Variants in PGBD5 observed in about 807,000 individuals in gnomAD.
PGBD5 encodes piggyBac transposable element derived 5.
PGBD5 carries 14 observed loss-of-function variants against 47.9 expected under a neutral mutation model. The observed-to-expected ratio is 0.29, with a 90% CI of 0.19 to 0.46. PGBD5 has a LOEUF of 0.46. PGBD5 is among the 20% of genes least tolerant of loss of function. PGBD5 has a pLI of 1.00. For missense variants in PGBD5, 635 were observed against 716.0 expected (o/e 0.89, Z 1.29); for synonymous variants, 316 against 306.3 (o/e 1.03, Z -0.33).
In PGBD5 at chr1:230,396,718, C is replaced by T. The variant is rs554408316; in HGVS notation, c.331+28880G>A. 7.2e-5 allele frequency among the ~76,000 whole-genome samples: 11 copies of T among 151,942 alleles called. No homozygotes were observed. The South Asian group carries it at 1.7e-3, about 23-fold the overall frequency. On this transcript the variant is annotated intron_variant, in intron 1 of 6. Coordinates refer to ENST00000391860, the MANE Select transcript of PGBD5 (RefSeq NM_001258311.2). ...TTTGGAGTTACAAAACCATGGTGTC[C>T]GCCTGAAACAACACCGTGTACTGAC...
chr1:230,346,765 A>G (rs1221018648), intron 3 of PGBD5, among the ~76,000 whole-genome samples: 1 of 152,170 alleles, frequency 6.6e-6, no homozygotes, highest in Non-Finnish European at 1.5e-5. Flanking sequence ...GCCTTCCTGT[A>G]GTCCTGCGAC....
chr1:230,351,636 A>G (rs760125517), intron 2 of PGBD5, among the ~76,000 whole-genome samples: 68 of 152,172 alleles, frequency 4.5e-4, no homozygotes, highest in Non-Finnish European at 7.5e-4. Context: ...TGGATTTTCA[A>G]GACAGCCCTC....
At chr1:230,373,933 A>G (rs1667972162) in intron 1 of PGBD5, among the ~76,000 whole-genome samples, 1 of 152,140 alleles carries the variant, frequency 6.6e-6, no homozygotes, top group Admixed American at 6.5e-5. Flanking sequence ...CCCAGACTCA[A>G]GCAATCTTCC....
chr1:230,358,457 T>C (rs1667692643), intron 1 of PGBD5, among the ~76,000 whole-genome samples: 1 of 152,186 alleles, frequency 6.6e-6, no homozygotes, highest in South Asian at 2.1e-4. Context: ...TCATTAAACG[T>C]TCCCTATGTA....
At chr1:230,396,861 T>C (rs1656993423) in intron 1 of PGBD5, among the ~76,000 whole-genome samples, 1 of 152,156 alleles carries the variant, frequency 6.6e-6, no homozygotes, top group African/African-American at 2.4e-5. Flanking sequence ...AGCAGACCAA[T>C]GAGTGTGACA....
intron 1 of PGBD5, among the ~76,000 whole-genome samples, chr1:230,361,140 C>G (rs914045352): frequency 6.6e-6 from 1 of 152,228 alleles, no homozygotes; most frequent in Non-Finnish European, 1.5e-5. Context: ...ACGGGATGGT[C>G]TTCCCATCAC....
At chr1:230,345,695 T>G (rs976706852) in intron 3 of PGBD5, among the ~76,000 whole-genome samples, 2 of 152,244 alleles carry the variant, frequency 1.3e-5, no homozygotes, top group African/African-American at 4.8e-5. Flanking sequence ...TGCTGTGCAA[T>G]GCTGGGTGGT....
At chr1:230,345,716 TGCAGC>T (rs1558195238) in intron 3 of PGBD5, among the ~76,000 whole-genome samples, 66 of 152,340 alleles carry the variant, frequency 4.3e-4, no homozygotes, top group African/African-American at 1.5e-3. Context: ...GGCAGTGAGC[TGCAGC>T]TCCCAGTCAG....
At chr1:230,397,873 C>T (rs1657039164) in intron 1 of PGBD5, among the ~76,000 whole-genome samples, 2 of 152,208 alleles carry the variant, frequency 1.3e-5, no homozygotes, top group African/African-American at 4.8e-5. Flanking sequence ...TATGTGAGAG[C>T]ACAGAGCTGG....
intron 5 of PGBD5, among the ~76,000 whole-genome samples, chr1:230,327,938 A>G (rs1667148852): frequency 6.6e-6 from 1 of 152,100 alleles, no homozygotes; most frequent in African/African-American, 2.4e-5. Flanking sequence ...TCCAATGACA[A>G]CCTTCTCTGG....
intron 3 of PGBD5, 81 bp downstream of exon 3, chr1:230,350,877 G>C (rs1049875482): frequency 6.5e-7 from 1 of 1,548,060 alleles, no homozygotes; most frequent in African/African-American, 1.4e-5. Context: ...AAGTTCTTGG[G>C]TATCAGATGA....
intron 1 of PGBD5, among the ~76,000 whole-genome samples, chr1:230,407,239 T>C (rs1011593466): frequency 1.3e-5 from 2 of 152,228 alleles, no homozygotes; most frequent in African/African-American, 4.8e-5. Flanking sequence ...CTTAAGAATG[T>C]CTTCAGACAA....
intron 1 of PGBD5, among the ~76,000 whole-genome samples, chr1:230,400,268 G>A (rs2102740881): frequency 6.6e-6 from 1 of 152,250 alleles, no homozygotes; most frequent in East Asian, 1.9e-4. Context: ...TGGGAGCTTT[G>A]CTCAAATCTT....
At chr1:230,363,687 TA>T (rs1395724153) in intron 1 of PGBD5, among the ~76,000 whole-genome samples, 3 of 152,216 alleles carry the variant, frequency 2.0e-5, no homozygotes, top group Non-Finnish European at 4.4e-5. Flanking sequence ...CATATGCTGA[TA>T]TTTTTTGGTG....
In PGBD5 at chr1:230,314,579, ATCT is replaced by A. The variant is rs1376287924; in HGVS notation, c.*8843_*8845del. 4.9e-5 allele frequency: 6 copies of A among 123,370 alleles called. No homozygotes were observed. The highest frequency in any genetic ancestry group is 2.4e-4 in the East Asian group (1 of 4,132). The allele number at this position is 123,370 out of a possible 1,614,324, so 7.6% of individuals were successfully genotyped here. The stretch of plus-strand genomic sequence containing the variant: ...CCACATGACAAAATGCTTGAATTAA[ATCT>A]TTTTTTTTTTTTTTTTTTTTTTTGC... On this transcript the variant is annotated 3_prime_UTR_variant, in exon 7 of 7. Transcript: ENST00000391860.
chr1:230,355,518 C>T (rs1478060456), intron 2 of PGBD5, among the ~76,000 whole-genome samples: 1 of 152,190 alleles, frequency 6.6e-6, no homozygotes, highest in East Asian at 1.9e-4. Flanking sequence ...TTCAACCAAG[C>T]AAGTATTTAG....
intron 1 of PGBD5, among the ~76,000 whole-genome samples, chr1:230,375,227 A>C (rs1346699645): frequency 6.6e-6 from 1 of 152,248 alleles, no homozygotes; most frequent in Non-Finnish European, 1.5e-5. Context: ...CCCAAATGTT[A>C]ACACGGTAGT....
chr1:230,425,554 G>C lies in PGBD5; in HGVS notation c.331+44C>G, dbSNP rs1283025037. 2 of 1,205,058 alleles carry C rather than the reference G, an allele frequency of 1.7e-6. No individual in the cohort carries two copies. Among genetic ancestry groups the C allele is most frequent in the African/African-American group, 3.2e-5 (2 of 63,146 alleles). The allele number at this position is 1,205,058 out of a possible 1,614,324, so 74.6% of individuals were successfully genotyped here. A position where few individuals can be genotyped will look rare whatever the true frequency, so the allele number is the denominator to read the frequency against. ...AGCACCCACGCCTCCCCCGCGCCCGGTTCCAGCGCCGCCCCCGACATCCAC... is the reference window on the plus strand; with the variant it reads ...AGCACCCACGCCTCCCCCGCGCCCGCTTCCAGCGCCGCCCCCGACATCCAC... On this transcript the variant is annotated intron_variant, in intron 1 of 6. Coordinates refer to ENST00000391860, the MANE Select transcript of PGBD5 (RefSeq NM_001258311.2). The surrounding 1 kb of genome is among the most constrained non-coding windows in gnomAD (Gnocchi z 4.7).
chr1:230,323,054 A>C lies in PGBD5; in HGVS notation c.*371T>G. The C allele has an allele frequency of 5.3e-6, 1 of 188,026 alleles. No homozygotes were observed. The highest frequency in any genetic ancestry group is 1.1e-5 in the Non-Finnish European group (1 of 91,022). 11.6% of individuals were successfully genotyped at this position (188,026 alleles called of 1,614,324 possible). Reference sequence around the variant, plus strand: ...CCCAGATTGCTGTAGATCTTTAGGAAGCAGGCATCTCTCTTAGAGCGTGCT... The same window carrying C: ...CCCAGATTGCTGTAGATCTTTAGGACGCAGGCATCTCTCTTAGAGCGTGCT... On this transcript the variant is annotated 3_prime_UTR_variant, in exon 7 of 7. Transcript: ENST00000391860. This position sits in a 1 kb window ranked among gnomAD's most constrained non-coding sequence, Gnocchi z 4.1.
Sources: gnomAD v4.1 joint callset for allele counts (sites outside exome capture counted in the v4.1 genomes callset) on GRCh38, gnomAD v4.1.1 for gene constraint, Gnocchi (gnomAD v3.1) non-coding constraint, MANE v1.5 for transcripts, NCBI Gene and HGNC (gene_info 2026-07-23, HGNC 2026-07-21) for gene names.